Variants in ARMC2 observed in about 807,000 individuals in gnomAD.
The protein encoded by ARMC2 is armadillo repeat-containing protein 2.
In ARMC2, 67 loss-of-function variants were observed where a neutral mutation model predicts 90.3. The ratio of observed to expected loss-of-function variants is 0.74; its 90% confidence interval spans 0.61 to 0.91. The LOEUF (loss-of-function observed/expected upper bound fraction) is 0.91, where lower values mean the gene tolerates loss of function less well. Ranked by LOEUF, ARMC2 falls within the 40% of genes least tolerant of loss-of-function variation. ARMC2 has a pLI of 0.00. For missense variants in ARMC2, 920 were observed against 1,030.9 expected (o/e 0.89, Z 1.47); for synonymous variants, 393 against 393.0 (o/e 1.00, Z 0.00).
chr6:109,052,335 A>G, the ARMC2 span, among the ~76,000 whole-genome samples: 1 of 152,334 alleles, frequency 6.6e-6, no homozygotes, highest in Non-Finnish European at 1.5e-5. Context: ...GCAATGTTTT[A>G]CTGTAAAAGT....
At chr6:108,973,245 T>C in intron 17 of ARMC2, 112 bp from the exon 18 acceptor site, 1 of 744,120 alleles carries the variant, frequency 1.3e-6, no homozygotes, top group African/African-American at 1.8e-5. Context: ...TTGTGTTACG[T>C]TGGTATTAAA....
intron 11 of ARMC2, among the ~76,000 whole-genome samples, chr6:108,931,644 TG>T (rs1775570627): frequency 6.6e-6 from 1 of 151,952 alleles, no homozygotes; most frequent in Admixed American, 6.5e-5. Flanking sequence ...TATCTCATTG[TG>T]GCTTTGATTT....
chr6:108,870,217 C>G (rs574590591), intron 4 of ARMC2, among the ~76,000 whole-genome samples: 11 of 152,088 alleles, frequency 7.2e-5, no homozygotes, highest in Non-Finnish European at 1.6e-4. Flanking sequence ...TCATACTTGA[C>G]AGACAAGTAT....
At chr6:108,989,815 G>A in the ARMC2 span, among the ~76,000 whole-genome samples, 1 of 152,070 alleles carries the variant, frequency 6.6e-6, no homozygotes, top group Non-Finnish European at 1.5e-5. Flanking sequence ...GCTCCACTGG[G>A]TAATGGATTT....
intron 3 of ARMC2, among the ~76,000 whole-genome samples, chr6:108,860,876 T>C (rs983445841): frequency 2.0e-5 from 3 of 152,134 alleles, no homozygotes; most frequent in African/African-American, 7.2e-5. Flanking sequence ...AAAGTCTGGT[T>C]GCTAGCTTCC....
At chr6:108,860,862 T>C (rs950941091) in intron 3 of ARMC2, among the ~76,000 whole-genome samples, 3 of 152,068 alleles carry the variant, frequency 2.0e-5, no homozygotes, top group African/African-American at 7.2e-5. Flanking sequence ...GTTTCCTGGA[T>C]GTTAAAGTCT....
intron 9 of ARMC2, 70 bp from the exon 10 acceptor site, chr6:108,912,265 A>T: frequency 6.3e-6 from 7 of 1,112,674 alleles, no homozygotes; most frequent in Non-Finnish European, 9.0e-6. Flanking sequence ...ATGTTCACAC[A>T]CAAGTGCTTT....
chr6:108,853,368 G>A (rs1054613054), intron 1 of ARMC2, among the ~76,000 whole-genome samples: 4 of 152,094 alleles, frequency 2.6e-5, no homozygotes, highest in African/African-American at 9.7e-5. Context: ...TGGGGCATGT[G>A]TCACAAAGCA....
chr6:108,877,651 A>G (rs1223472950), intron 5 of ARMC2, among the ~76,000 whole-genome samples: 1 of 152,224 alleles, frequency 6.6e-6, no homozygotes, highest in Non-Finnish European at 1.5e-5. Context: ...TACTGAAGTA[A>G]AAAGGAAACA....
At chr6:108,874,988 A>G (rs1018911177) in intron 4 of ARMC2, among the ~76,000 whole-genome samples, 1 of 152,186 alleles carries the variant, frequency 6.6e-6, no homozygotes, top group Non-Finnish European at 1.5e-5. Context: ...TAAGTACAGA[A>G]AAGGAAAGGA....
Position 108,928,078 on chromosome 6 carries a change from T to C in ARMC2, c.1351-10T>C. 1 of 1,597,238 alleles carries C rather than the reference T, an allele frequency of 6.3e-7. No individual in the cohort carries two copies. Among genetic ancestry groups the C allele is most frequent in the Non-Finnish European group, 8.5e-7 (1 of 1,174,248 alleles). On this transcript the variant is annotated splice_polypyrimidine_tract_variant and intron_variant, in intron 10 of 17. Coordinates refer to ENST00000392644, the MANE Select transcript of ARMC2 (RefSeq NM_032131.6). ...TCAAAAAAAATGGCACAAGCATGCT[T>C]TTATCCTAGGTGACTGCTACATTGA... is the stretch of plus-strand genomic sequence containing the variant.
chr6:108,938,599 C>CTTTTTTTTTTTTTTTTTTTTTT (rs4027582), intron 12 of ARMC2, among the ~76,000 whole-genome samples: 6 of 83,114 alleles, frequency 7.2e-5, no homozygotes, highest in Non-Finnish European at 1.1e-4. Context: ...CCATTACTAC[C>CTTTTTTTTTTTTTTTTTTTTTT]TTTTTTTTTT....
At chr6:109,007,462 C>A in the ARMC2 span, among the ~76,000 whole-genome samples, 1 of 152,138 alleles carries the variant, frequency 6.6e-6, no homozygotes, top group Admixed American at 6.5e-5. Flanking sequence ...TTGTTTTCCT[C>A]GCTACACTAT....
intron 10 of ARMC2, among the ~76,000 whole-genome samples, chr6:108,915,045 C>G (rs542251546): frequency 1.4e-4 from 21 of 151,930 alleles, no homozygotes; most frequent in Non-Finnish European, 3.1e-4. Flanking sequence ...CTCCACCTCC[C>G]AGGTTCAAGC....
Position 108,899,799 on chromosome 6 carries a change from C to A in ARMC2, c.847+7C>A, listed in dbSNP as rs1583049822. 1 of 1,586,090 alleles carries A rather than the reference C, an allele frequency of 6.3e-7. No individual in the cohort carries two copies. Among genetic ancestry groups the A allele is most frequent in the Admixed American group, 1.8e-5 (1 of 54,306 alleles). On this transcript the variant is annotated splice_region_variant and intron_variant, in intron 7 of 17. Coordinates refer to ENST00000392644, the MANE Select transcript of ARMC2 (RefSeq NM_032131.6). The stretch of plus-strand genomic sequence containing the variant: ...TTGCGTGAATTAGAAAAGGGTAAAA[C>A]ACAAACAAACAAACAAAAAACCGTT...
At chr6:108,916,044 G>T (rs1290394862) in intron 10 of ARMC2, among the ~76,000 whole-genome samples, 2 of 150,970 alleles carry the variant, frequency 1.3e-5, no homozygotes, top group African/African-American at 4.9e-5. Context: ...TGAAGGAAAA[G>T]CTCCTTCAAA....
chr6:108,964,193 G>T lies in ARMC2; in HGVS notation c.2166G>T (p.Met722Ile). The T allele has an allele frequency of 6.2e-7, 1 of 1,613,830 alleles. No individual in the cohort carries two copies. Among genetic ancestry groups the T allele is most frequent in the Non-Finnish European group, 8.5e-7 (1 of 1,179,820 alleles). ...CTTCCCTCGTAGTCCACAGGTTCAT[G>T]ATGGCGCTGCTGGATGCTCAGCATC... ...FIVQNNVHRF[M>I]MALLDAQHQD... The change falls in exon 16 of 18, where the codon ATG (methionine) becomes ATT (isoleucine). Residue 722 changes from methionine to isoleucine, a missense_variant. Physicochemically the swap from Met to Ile is conservative, Grantham distance 10 (BLOSUM62 1). Coordinates refer to ENST00000392644, the MANE Select transcript of ARMC2 (RefSeq NM_032131.6).
intron 8 of ARMC2, among the ~76,000 whole-genome samples, chr6:108,908,718 T>C (rs1773071092): frequency 6.6e-6 from 1 of 151,422 alleles, no homozygotes; most frequent in Admixed American, 6.6e-5. Context: ...ATCACTGCAC[T>C]CCAGCCTGGG....
At chr6:109,032,327 G>A in the ARMC2 span, among the ~76,000 whole-genome samples, 1 of 151,746 alleles carries the variant, frequency 6.6e-6, no homozygotes, top group East Asian at 1.9e-4. Context: ...CCCTGTACAT[G>A]AAAAGGTAAG....
Sources: gnomAD v4.1 joint callset for allele counts (sites outside exome capture counted in the v4.1 genomes callset) on GRCh38, gnomAD v4.1.1 for gene constraint, MANE v1.5 for transcripts, NCBI Gene and HGNC (gene_info 2026-07-23, HGNC 2026-07-21) for gene names.